The following RSF1 variants were observed in gnomAD, a reference collection of about 807,000 sequenced individuals.
The protein encoded by RSF1 is remodeling and spacing factor 1.
Under a neutral mutation model 145.2 loss-of-function variants are expected in RSF1, and 13 were observed. That is an observed-to-expected ratio of 0.09 (90% CI 0.06 to 0.14). The LOEUF is 0.14. Among genes scored for constraint, RSF1 ranks in the 10% least tolerant of loss-of-function variants. RSF1 has a pLI of 1.00. For synonymous variants in RSF1, 577 were observed against 592.6 expected, an observed-to-expected ratio of 0.97 and a Z score of 0.38; for missense variants, 1,517 against 1,718.2, an observed-to-expected ratio of 0.88 and a Z score of 2.07.
At chr11:77,848,055 G>A in the RSF1 span, among the ~76,000 whole-genome samples, 1 of 152,148 alleles carries the variant, frequency 6.6e-6, no homozygotes, top group Non-Finnish European at 1.5e-5. Flanking sequence ...GTAGTCTACC[G>A]AGTCCACCAA....
At chr11:77,724,487 G>C (rs1371077714) in intron 5 of RSF1, among the ~76,000 whole-genome samples, 1 of 152,182 alleles carries the variant, frequency 6.6e-6, no homozygotes, top group Non-Finnish European at 1.5e-5. Context: ...ACTGATGGAT[G>C]AATTGATAAA....
At chr11:77,778,249 TG>T (rs1418502290) in intron 1 of RSF1, among the ~76,000 whole-genome samples, 1 of 11,342 alleles carries the variant, frequency 8.8e-5, no homozygotes, top group Non-Finnish European at 1.5e-4. Context: ...GGGGAGAGCA[TG>T]GGGGAGGGAA....
chr11:77,683,140 A>C (rs988295031), intron 11 of RSF1, among the ~76,000 whole-genome samples: 1 of 151,868 alleles, frequency 6.6e-6, no homozygotes, highest in Non-Finnish European at 1.5e-5. Context: ...AAAATACAAA[A>C]ATTAGCTGGG....
chr11:77,812,065 G>A (rs1029026722), intron 1 of RSF1, among the ~76,000 whole-genome samples: 2 of 152,018 alleles, frequency 1.3e-5, no homozygotes, highest in African/African-American at 4.8e-5. Flanking sequence ...GTAGTCCCCA[G>A]CAACTTGAGA....
At chr11:77,867,642 A>G in the RSF1 span, among the ~76,000 whole-genome samples, 1 of 152,362 alleles carries the variant, frequency 6.6e-6, no homozygotes, top group Non-Finnish European at 1.5e-5. Flanking sequence ...CAGTGCTAAA[A>G]GCATTGTCCT....
intron 2 of RSF1, 66 bp from the exon 3 acceptor site, chr11:77,747,194 A>T (rs1948010574): frequency 1.0e-6 from 1 of 981,786 alleles, no homozygotes; most frequent in Non-Finnish European, 1.6e-6. Flanking sequence ...AGGCTTGTAC[A>T]ACTATGCTGT....
At chr11:77,706,661 A>AT (rs911010668) in intron 5 of RSF1, among the ~76,000 whole-genome samples, 39 of 147,366 alleles carry the variant, frequency 2.6e-4, no homozygotes, top group Admixed American at 4.8e-4. Context: ...CACTTTCCTA[A>AT]TTTTTTTTTT....
intron 7 of RSF1, 48 bp downstream of exon 7, chr11:77,698,439 T>C (rs927794146): frequency 6.5e-7 from 1 of 1,541,928 alleles, no homozygotes; most frequent in African/African-American, 1.4e-5. Context: ...CCAGGCAACC[T>C]CACCATGTCT....
chr11:77,866,143 T>G, the RSF1 span, among the ~76,000 whole-genome samples: 5 of 152,346 alleles, frequency 3.3e-5, no homozygotes, highest in East Asian at 7.7e-4. Context: ...AAGAGTAGTT[T>G]AGGAATGTTT....
intron 5 of RSF1, among the ~76,000 whole-genome samples, chr11:77,707,918 C>T (rs926172158): frequency 6.6e-6 from 1 of 152,138 alleles, no homozygotes; most frequent in African/African-American, 2.4e-5. Context: ...GTAACCACGC[C>T]TAGAATAATG....
At chr11:77,764,377 A>C in intron 2 of RSF1, 1 of 468,964 alleles carries the variant, frequency 2.1e-6, no homozygotes, top group Non-Finnish European at 3.7e-6. Flanking sequence ...GTTAGGCACA[A>C]AAGAGATATA....
Position 77,663,425 on chromosome 11 carries a change from G to C in RSF1, c.*3492C>G, listed in dbSNP as rs997988122. ...CAACTAAAAAGTAAAAACTGGGTAC[G>C]TGTAACACCCTTTTAAAATTAATTT... On this transcript the variant is annotated 3_prime_UTR_variant, in exon 16 of 16. Coordinates refer to ENST00000308488, the MANE Select transcript of RSF1 (RefSeq NM_016578.4). 6.6e-6 allele frequency: 1 copy of C among 152,068 alleles called. No homozygotes were observed. 9.4% of individuals were successfully genotyped at this position (152,068 alleles called of 1,614,324 possible). A position where few individuals can be genotyped will look rare whatever the true frequency, so the allele number is the denominator to read the frequency against.
intron 4 of RSF1, among the ~76,000 whole-genome samples, chr11:77,735,835 G>A (rs553747626): frequency 6.6e-6 from 1 of 152,306 alleles, no homozygotes; most frequent in African/African-American, 2.4e-5. Context: ...TGCCTACTGG[G>A]TTCAAGTGAT....
At chr11:77,804,176 G>A (rs952397195) in intron 1 of RSF1, among the ~76,000 whole-genome samples, 1 of 152,230 alleles carries the variant, frequency 6.6e-6, no homozygotes, top group African/African-American at 2.4e-5. Context: ...GTGCACAGAA[G>A]CTCTGCATCC....
At chr11:77,669,055 C>T (rs776854714) in intron 15 of RSF1, among the ~76,000 whole-genome samples, 22 of 152,318 alleles carry the variant, frequency 1.4e-4, no homozygotes, top group South Asian at 4.1e-4. Context: ...CTCCTTAAAC[C>T]TGCAGCCCTG....
intron 1 of RSF1, among the ~76,000 whole-genome samples, chr11:77,781,104 C>CTT (rs113010922): frequency 6.3e-4 from 94 of 148,722 alleles, no homozygotes; most frequent in Non-Finnish European, 8.7e-4. Flanking sequence ...TTTGAATTGT[C>CTT]TTTTTTTTTT....
chr11:77,825,218 G>A (rs1302331060), upstream of RSF1, among the ~76,000 whole-genome samples: 2 of 151,832 alleles, frequency 1.3e-5, no homozygotes, highest in African/African-American at 2.4e-5. Flanking sequence ...TCCTGACCTT[G>A]TGATCTGCTC....
upstream of RSF1, among the ~76,000 whole-genome samples, chr11:77,823,089 C>T (rs1419053436): frequency 1.3e-5 from 2 of 151,824 alleles, no homozygotes; most frequent in Admixed American, 1.3e-4. Context: ...TGGCGGCGGG[C>T]CCCTGTAGAC....
chr11:77,745,910 G>GT (rs1370786935), intron 3 of RSF1, among the ~76,000 whole-genome samples: 1 of 151,774 alleles, frequency 6.6e-6, no homozygotes, highest in Non-Finnish European at 1.5e-5. Context: ...AAAAAAATTT[G>GT]TAACACACCC....
Sources: gnomAD v4.1 joint callset for allele counts (sites outside exome capture counted in the v4.1 genomes callset) on GRCh38, gnomAD v4.1.1 for gene constraint, MANE v1.5 for transcripts, NCBI Gene and HGNC (gene_info 2026-07-23, HGNC 2026-07-21) for gene names.